Variants in SGMS1 observed in about 807,000 individuals in gnomAD.
SGMS1 encodes phosphatidylcholine:ceramide cholinephosphotransferase 1.
Under a neutral mutation model 46.2 loss-of-function variants are expected in SGMS1, and 13 were observed. The ratio of observed to expected loss-of-function variants is 0.28; its 90% CI spans 0.18 to 0.45. The LOEUF is 0.45. SGMS1 is among the 20% of genes least tolerant of loss of function. The pLI is 1.00. For synonymous variants in SGMS1, 203 were observed against 187.8 expected, an observed-to-expected ratio of 1.08 and a Z score of -0.66; for missense variants, 324 against 519.9, an observed-to-expected ratio of 0.62 and a Z score of 3.66.
At chr10:50,613,540 G>A (rs1028449144) in intron 1 of SGMS1, among the ~76,000 whole-genome samples, 4 of 152,082 alleles carry the variant, frequency 2.6e-5, no homozygotes, top group South Asian at 2.1e-4. Flanking sequence ...CTCTTCAGTC[G>A]GCCCCTGGCA....
intron 8 of SGMS1, among the ~76,000 whole-genome samples, chr10:50,314,536 T>TAATTTCTGACCCAGTCAC (rs1847308547): frequency 6.6e-6 from 1 of 152,218 alleles, no homozygotes; most frequent in Non-Finnish European, 1.5e-5. Context: ...TAAACAGTCA[T>TAATTTCTGACCCAGTCAC]AACTTCTGAC....
intron 2 of SGMS1, among the ~76,000 whole-genome samples, chr10:50,562,364 GCACA>G (rs80161779): frequency 0.012 from 1,716 of 146,978 alleles, 30 homozygotes; most frequent in African/African-American, 0.039. Context: ...GTGCGCGCGC[GCACA>G]CACACACACT....
chr10:50,324,779 C>T (rs1000704211), intron 8 of SGMS1, among the ~76,000 whole-genome samples: 2 of 152,218 alleles, frequency 1.3e-5, no homozygotes, highest in African/African-American at 4.8e-5. Flanking sequence ...AGTCACTTGA[C>T]ACCACAAAGA....
Position 50,621,771 on chromosome 10 carries a change from A to G in SGMS1, c.-684+1936T>C, listed in dbSNP as rs80324313. ...TATTTTACTAAAAACATAAATTTCT[A>G]TTCTGTGAAGCAGAAATGGAAGGAA... On this transcript the variant is annotated intron_variant, in intron 1 of 10. Transcript: ENST00000361781. Among the ~76,000 whole-genome samples the G allele has an allele frequency of 9.3e-3, 1,420 of 152,352 alleles. 32 individuals are homozygous for G. The highest frequency in any genetic ancestry group is 0.032 in the African/African-American group (1,335 of 41,576).
intron 1 of SGMS1, among the ~76,000 whole-genome samples, chr10:50,602,975 T>C (rs1163674354): frequency 6.6e-6 from 1 of 152,236 alleles, no homozygotes; most frequent in African/African-American, 2.4e-5. Flanking sequence ...TGAACGAGTT[T>C]AGACAATGGA....
intron 3 of SGMS1, among the ~76,000 whole-genome samples, chr10:50,494,420 C>T (rs1012656612): frequency 5.9e-5 from 9 of 152,184 alleles, no homozygotes; most frequent in Admixed American, 3.3e-4. Context: ...AAACGTGATA[C>T]ATACAACGTT....
At chr10:50,526,749 A>C (rs891180049) in intron 2 of SGMS1, among the ~76,000 whole-genome samples, 2 of 152,024 alleles carry the variant, frequency 1.3e-5, no homozygotes, top group African/African-American at 4.8e-5. Flanking sequence ...TAGGTCAATG[A>C]GAGTAATATA....
At chr10:50,375,415 A>AC (rs1848509465) in intron 6 of SGMS1, among the ~76,000 whole-genome samples, 2 of 152,210 alleles carry the variant, frequency 1.3e-5, no homozygotes, top group Admixed American at 6.5e-5. Flanking sequence ...GTCAGGCATT[A>AC]CCTTGTAGCA....
At chr10:50,530,739 C>T (rs1837945659) in intron 2 of SGMS1, among the ~76,000 whole-genome samples, 1 of 152,072 alleles carries the variant, frequency 6.6e-6, no homozygotes, top group Non-Finnish European at 1.5e-5. Flanking sequence ...CCCGCCTCGG[C>T]CTCTCGAAGC....
chr10:50,362,114 C>CCT (rs1848258771), intron 6 of SGMS1, among the ~76,000 whole-genome samples: 2 of 152,194 alleles, frequency 1.3e-5, no homozygotes, highest in Admixed American at 6.5e-5. Context: ...AATGAGAATG[C>CCT]AAAGGAGATG....
chr10:50,433,951 G>A (rs1269453744), intron 5 of SGMS1, among the ~76,000 whole-genome samples: 2 of 152,088 alleles, frequency 1.3e-5, no homozygotes, highest in Non-Finnish European at 2.9e-5. Flanking sequence ...AGGACTAAAC[G>A]AGACACCAAA....
intron 6 of SGMS1, among the ~76,000 whole-genome samples, chr10:50,356,081 C>T (rs890692325): frequency 1.3e-5 from 2 of 152,132 alleles, no homozygotes; most frequent in African/African-American, 2.4e-5. Flanking sequence ...TCATTGAGAA[C>T]GGGCCATGAT....
intron 1 of SGMS1, among the ~76,000 whole-genome samples, chr10:50,612,765 G>C (rs1206607425): frequency 2.0e-5 from 3 of 152,298 alleles, no homozygotes; most frequent in Admixed American, 6.5e-5. Flanking sequence ...CTGGAGTGCA[G>C]TGGCGTGATC....
chr10:50,517,109 C>G (rs1837813398), intron 3 of SGMS1, among the ~76,000 whole-genome samples: 1 of 152,118 alleles, frequency 6.6e-6, no homozygotes, highest in African/African-American at 2.4e-5. Context: ...CCTCCTGGCT[C>G]CTAGCACAAA....
chr10:50,449,465 C>T (rs963563645), intron 5 of SGMS1, among the ~76,000 whole-genome samples: 7 of 152,158 alleles, frequency 4.6e-5, no homozygotes, highest in African/African-American at 1.7e-4. Flanking sequence ...CTGAGCTCCA[C>T]TTTCCTGCAA....
chr10:50,583,902 C>T (rs1715058729), intron 2 of SGMS1, among the ~76,000 whole-genome samples: 1 of 152,164 alleles, frequency 6.6e-6, no homozygotes, highest in Non-Finnish European at 1.5e-5. Context: ...GCTGGACTTC[C>T]TGACAAGATA....
chr10:50,610,246 C>T (rs1451291103), intron 1 of SGMS1, among the ~76,000 whole-genome samples: 3 of 152,164 alleles, frequency 2.0e-5, no homozygotes, highest in East Asian at 3.8e-4. Context: ...TAGTCACTTC[C>T]CATTAGTTCC....
intron 8 of SGMS1, among the ~76,000 whole-genome samples, chr10:50,317,946 G>A (rs923786532): frequency 6.6e-6 from 1 of 151,888 alleles, no homozygotes; most frequent in Admixed American, 6.6e-5. Flanking sequence ...TGGGATTATA[G>A]GTGCATGCCG....
At chr10:50,566,709 C>T (rs1475238157) in intron 2 of SGMS1, among the ~76,000 whole-genome samples, 1 of 152,188 alleles carries the variant, frequency 6.6e-6, no homozygotes, top group African/African-American at 2.4e-5. Context: ...GAGTTATACA[C>T]AGTACGGTGG....
Sources: gnomAD v4.1 joint callset for allele counts (sites outside exome capture counted in the v4.1 genomes callset) on GRCh38, gnomAD v4.1.1 for gene constraint, MANE v1.5 for transcripts, NCBI Gene and HGNC (gene_info 2026-07-23, HGNC 2026-07-21) for gene names.